XKRX: variants seen among roughly 807,000 people sequenced by gnomAD.
XKRX encodes XK related X-linked, also known as XK-related protein 2.
In XKRX, 11 loss-of-function variants were observed where a neutral mutation model predicts 22.4. The observed-to-expected ratio is 0.49, with a 90% CI of 0.31 to 0.81. XKRX has a LOEUF of 0.81. Among genes scored for constraint, XKRX ranks in the 40% least tolerant of loss-of-function variants. XKRX has a pLI of 0.05. For missense variants in XKRX, 320 were observed against 336.5 expected, an observed-to-expected ratio of 0.95 and a Z score of 0.38; for synonymous variants, 114 against 132.2, an observed-to-expected ratio of 0.86 and a Z score of 0.94.
chrX:100,903,596 T>C, the XKRX span, among the ~76,000 whole-genome samples: 1 of 112,140 alleles, frequency 8.9e-6, no homozygotes, highest in South Asian at 3.7e-4. Flanking sequence ...GGAGTTCCTG[T>C]TGCTCTACAG....
At chrX:100,897,619 G>A in the XKRX span, among the ~76,000 whole-genome samples, 2 of 93,681 alleles carry the variant, frequency 2.1e-5, no homozygotes, top group African/African-American at 7.9e-5. Flanking sequence ...GTGTGTGTGT[G>A]TGTGTGTGTG....
chrX:100,948,183 G>C, the XKRX span, among the ~76,000 whole-genome samples: 4 of 110,954 alleles, frequency 3.6e-5, no homozygotes, highest in African/African-American at 1.3e-4. Flanking sequence ...TGGGATTACA[G>C]ACGTGAGTGA....
chrX:100,924,416 T>G (rs1229654013), intron 1 of XKRX, among the ~76,000 whole-genome samples: 3 of 111,551 alleles, frequency 2.7e-5, no homozygotes, highest in Non-Finnish European at 5.6e-5. Flanking sequence ...AAAAACATCC[T>G]TATGAAAGCC....
At chrX:100,942,139 C>T in the XKRX span, among the ~76,000 whole-genome samples, 238 of 111,654 alleles carry the variant, frequency 2.1e-3, 1 homozygote, top group Non-Finnish European at 3.5e-3. Context: ...TGAGCCACTG[C>T]GCCCGGCTTA....
chrX:100,917,670 AAAGAAAAG>A (rs1348200712), intron 2 of XKRX, among the ~76,000 whole-genome samples: 71 of 40,581 alleles, frequency 1.7e-3, no homozygotes, highest in East Asian at 3.7e-3. Flanking sequence ...AGAAAGAAAG[AAAGAAAAG>A]AAAGAAAGAA....
At chrX:100,947,977 AT>A in the XKRX span, among the ~76,000 whole-genome samples, 1 of 106,400 alleles carries the variant, frequency 9.4e-6, no homozygotes, top group African/African-American at 3.5e-5. Flanking sequence ...ATCTTGGCTC[AT>A]TGCAACCTCC....
the XKRX span, chrX:100,957,292 A>G: frequency 9.8e-7 from 1 of 1,018,654 alleles, no homozygotes; most frequent in Non-Finnish European, 1.4e-6. Flanking sequence ...GAAGATGTTC[A>G]TCTTTGTCAA....
chrX:100,891,428 C>G, the XKRX span, among the ~76,000 whole-genome samples: 1 of 111,131 alleles, frequency 9.0e-6, no homozygotes, highest in Non-Finnish European at 1.9e-5. Flanking sequence ...TTATGTTACC[C>G]GATTTCAAAT....
chrX:100,917,673 G>GA (rs368390706), intron 2 of XKRX, among the ~76,000 whole-genome samples: 6 of 23,751 alleles, frequency 2.5e-4, no homozygotes, highest in Non-Finnish European at 4.5e-4. Flanking sequence ...AAGAAAGAAA[G>GA]AAAAGAAAGA....
chrX:100,937,179 C>T, the XKRX span, among the ~76,000 whole-genome samples: 2 of 110,317 alleles, frequency 1.8e-5, no homozygotes, highest in African/African-American at 6.6e-5. Context: ...TTAGTAGAGA[C>T]GAGGTTTCAC....
intron 1 of XKRX, among the ~76,000 whole-genome samples, chrX:100,923,459 C>T (rs1381411752): frequency 8.9e-6 from 1 of 112,196 alleles, no homozygotes; most frequent in East Asian, 2.8e-4. Flanking sequence ...CCATGGCCAG[C>T]CTGCACTACT....
rs112599169 is a variant in XKRX at position 100,913,966 on chromosome X, G to A, written c.*372C>T. 2.8e-4 allele frequency: 45 copies of A among 163,589 alleles called. No individual in the cohort carries two copies. The highest frequency in any genetic ancestry group is 1.1e-3 in the African/African-American group (38 of 33,489). The allele number at this position is 163,589 out of a possible 1,213,427, so 13.5% of individuals were successfully genotyped here. A position where few individuals can be genotyped will look rare whatever the true frequency, so the allele number is the denominator to read the frequency against. ...CTGATCAGTCAGGATATATTCTAGC[G>A]GGATTCTGGGCCTTCAGCTCAGCCC... On this transcript the variant is annotated 3_prime_UTR_variant, in exon 3 of 3. Transcript: ENST00000372956.
At chrX:100,940,992 C>T in the XKRX span, among the ~76,000 whole-genome samples, 1 of 111,850 alleles carries the variant, frequency 8.9e-6, no homozygotes, top group African/African-American at 3.2e-5. Flanking sequence ...ATCCACTGTA[C>T]ATCCCTCTAG....
chrX:100,919,977 CT>C (rs1315775224), intron 2 of XKRX, among the ~76,000 whole-genome samples: 1 of 111,530 alleles, frequency 9.0e-6, no homozygotes, highest in African/African-American at 3.3e-5. Flanking sequence ...TAGGAAACAA[CT>C]TTTTTGTGAA....
chrX:100,920,369 T>C (rs2085466139), intron 2 of XKRX, among the ~76,000 whole-genome samples: 1 of 111,053 alleles, frequency 9.0e-6, no homozygotes, highest in Non-Finnish European at 1.9e-5. Context: ...TTTCATACAG[T>C]CCATTTTGGG....
At chrX:100,891,763 AAAAGAAAG>A in the XKRX span, among the ~76,000 whole-genome samples, 132 of 59,196 alleles carry the variant, frequency 2.2e-3, 1 homozygote, top group Middle Eastern at 8.0e-3. Flanking sequence ...AAGAAAGAAG[AAAAGAAAG>A]AAAGAAAGAA....
the XKRX span, among the ~76,000 whole-genome samples, chrX:100,898,061 C>A: frequency 3.6e-5 from 4 of 111,839 alleles, no homozygotes; most frequent in African/African-American, 1.3e-4. Flanking sequence ...TTCCAGGGTT[C>A]TGTCCTCCAT....
chrX:100,948,771 C>G, the XKRX span, among the ~76,000 whole-genome samples: 1 of 112,734 alleles, frequency 8.9e-6, no homozygotes, highest in Admixed American at 9.3e-5. Context: ...GCGCCTCCCC[C>G]ACAGGGGTGG....
Position 100,923,298 on chromosome X carries a change from C to T in XKRX, c.336-237G>A, listed in dbSNP as rs761113887. The stretch of plus-strand genomic sequence containing the variant: ...TTCTGAGTAGCTAGGACTACAGGCG[C>T]ATGCCACCATGCCAGCTATTTTTAA... On this transcript the variant is annotated intron_variant, in intron 1 of 2. Transcript: ENST00000372956. Among the ~76,000 whole-genome samples the T allele has an allele frequency of 1.9e-4, 21 of 111,697 alleles. No homozygotes were observed. The South Asian group carries it at 1.9e-3, about 10-fold the overall frequency.
Sources: allele counts gnomAD v4.1 joint callset (sites outside exome capture counted in the v4.1 genomes callset), GRCh38; gene constraint gnomAD v4.1.1; transcripts MANE v1.5; gene names NCBI Gene and HGNC (gene_info 2026-07-23, HGNC 2026-07-21).